Variants in BRIP1 observed in about 807,000 individuals in gnomAD.
BRIP1 encodes the protein Fanconi anemia group J protein.
BRIP1 carries 88 observed loss-of-function variants against 119.7 expected under a neutral mutation model. The observed-to-expected ratio is 0.74, with a 90% CI of 0.62 to 0.88. BRIP1 has a LOEUF of 0.88. BRIP1 is among the 40% of genes least tolerant of loss of function. BRIP1 has a pLI of 0.00. For missense variants in BRIP1, 1,259 were observed against 1,455.4 expected (o/e 0.87, Z 2.20); for synonymous variants, 443 against 496.5 (o/e 0.89, Z 1.43).
rs566562868 is a variant in BRIP1, at chr17:61,708,133, A to T, written c.2492+7818T>A. ...AAAAAACAAAAAATATGTGACAGAG[A>T]CTGTATGTAGCCTGCAAAGCCTAAA... On this transcript the variant is annotated intron_variant, in intron 17 of 19. Transcript: ENST00000259008. This position sits in a 1 kb window ranked among gnomAD's most constrained non-coding sequence, Gnocchi z 4.4. Among the ~76,000 whole-genome samples, 2 of 152,330 alleles carry T rather than the reference A, an allele frequency of 1.3e-5. No individual in the cohort carries two copies. Among genetic ancestry groups the T allele is most frequent in the East Asian group, 3.9e-4 (2 of 5,194 alleles).
rs781623180 is a variant in BRIP1 at position 61,708,868 on chromosome 17, A to T, written c.2492+7083T>A. 2.6e-5 allele frequency among the ~76,000 whole-genome samples: 4 copies of T among 152,172 alleles called. No individual in the cohort carries two copies. The highest frequency in any genetic ancestry group is 5.9e-5 in the Non-Finnish European group (4 of 68,034). On this transcript the variant is annotated intron_variant, in intron 17 of 19. Transcript: ENST00000259008. The surrounding 1 kb of genome is among the most constrained non-coding windows in gnomAD (Gnocchi z 4.4). ...AAAAGGAATTCTACACGCTTGGTAG[A>T]TGTAAGACTGATTGTCAGCCTACTC...
rs1208727896 is a variant in BRIP1 at position 61,796,231 on chromosome 17, T to C, written c.1341-2502A>G. Among the ~76,000 whole-genome samples, 1 of 152,142 alleles carries C rather than the reference T, an allele frequency of 6.6e-6. No individual in the cohort carries two copies. The highest frequency in any genetic ancestry group is 1.5e-5 in the Non-Finnish European group (1 of 67,992). On this transcript the variant is annotated intron_variant, in intron 9 of 19. Coordinates refer to ENST00000259008, the MANE Select transcript of BRIP1 (RefSeq NM_032043.3). The surrounding 1 kb of genome is among the most constrained non-coding windows in gnomAD (Gnocchi z 4.8). ...CCTCTTCACTTTGTTGATTGTTTCC[T>C]TTGCTGTGCAGCAGCTTTTTAACTT...
Position 61,848,545 on chromosome 17 carries a change from A to G in BRIP1, c.507+584T>C, listed in dbSNP as rs530763001. Among the ~76,000 whole-genome samples the G allele has an allele frequency of 2.0e-5, 3 of 152,236 alleles. No individual in the cohort carries two copies. The highest frequency in any genetic ancestry group is 7.2e-5 in the African/African-American group (3 of 41,566). ...ATCTTTTTTATTTGTAACTAAATCT[A>G]TTAAAATCCCAGCCTTCCTATCTCA... On this transcript the variant is annotated intron_variant, in intron 5 of 19. Coordinates refer to ENST00000259008, the MANE Select transcript of BRIP1 (RefSeq NM_032043.3). The surrounding 1 kb of genome is among the most constrained non-coding windows in gnomAD (Gnocchi z 4.3).
At position 61,850,005 on chromosome 17, in the gene BRIP1, A is replaced by ATAAATATTC. The variant is rs527357638; in HGVS notation, c.380-758_380-750dup. Among the ~76,000 whole-genome samples, 171 of 152,232 alleles carry ATAAATATTC rather than the reference A, an allele frequency of 1.1e-3. 2 individuals carry two copies. Among genetic ancestry groups the ATAAATATTC allele is most frequent in the Admixed American group, 6.5e-3 (99 of 15,286 alleles). On this transcript the variant is annotated intron_variant, in intron 4 of 19. Coordinates refer to ENST00000259008, the MANE Select transcript of BRIP1 (RefSeq NM_032043.3). ...CATTGGTTTCTCCCTTTTCCTAAATATAAATATTCTTAAAGGTACCCTCCT... is the reference window on the plus strand; with the variant it reads ...CATTGGTTTCTCCCTTTTCCTAAATATAAATATTCTAAATATTCTTAAAGGTACCCTCCT...
At chr17:61,792,350 A>G (rs995727791) in intron 10 of BRIP1, among the ~76,000 whole-genome samples, 1 of 152,222 alleles carries the variant, frequency 6.6e-6, no homozygotes, top group East Asian at 1.9e-4. Context: ...CCAAATGAGT[A>G]GAAAGCTTGT....
chr17:61,711,903 A>C (rs1006745657), intron 17 of BRIP1, among the ~76,000 whole-genome samples: 7 of 151,914 alleles, frequency 4.6e-5, no homozygotes, highest in African/African-American at 1.7e-4. Flanking sequence ...ACAAAAATAA[A>C]AAATAAAATG....
Position 61,856,743 on chromosome 17 carries a change from T to C in BRIP1, c.379+315A>G, listed in dbSNP as rs151243486. 3.3e-5 allele frequency among the ~76,000 whole-genome samples: 5 copies of C among 152,326 alleles called. No individual in the cohort carries two copies. Among genetic ancestry groups the C allele is most frequent in the Non-Finnish European group, 7.4e-5 (5 of 68,018 alleles). The stretch of plus-strand genomic sequence containing the variant: ...GTCTTAGGATACAAACATTGTTTTA[T>C]AGAATTCTAACATATAATTAACAAT... On this transcript the variant is annotated intron_variant, in intron 4 of 19. Transcript: ENST00000259008. This position sits in a 1 kb window ranked among gnomAD's most constrained non-coding sequence, Gnocchi z 5.1.
Position 61,825,602 on chromosome 17 carries a change from A to G in BRIP1, c.628-16845T>C, listed in dbSNP as rs1439239846. Among the ~76,000 whole-genome samples the G allele has an allele frequency of 6.6e-6, 1 of 150,760 alleles. No homozygotes were observed. Among genetic ancestry groups the G allele is most frequent in the East Asian group, 1.9e-4 (1 of 5,150 alleles). ...AAGCTGAGAGCCAAATCAGGAATGC[A>G]ATCCCATTCACAATTGCCACAAATA... On this transcript the variant is annotated intron_variant, in intron 6 of 19. Coordinates refer to ENST00000259008, the MANE Select transcript of BRIP1 (RefSeq NM_032043.3). The surrounding 1 kb of genome is among the most constrained non-coding windows in gnomAD (Gnocchi z 4.1).
At position 61,761,991 on chromosome 17, in the gene BRIP1, C is replaced by T. The variant is rs764256630; in HGVS notation, c.2097+14410G>A. On this transcript the variant is annotated intron_variant, in intron 14 of 19. Transcript: ENST00000259008. This position sits in a 1 kb window ranked among gnomAD's most constrained non-coding sequence, Gnocchi z 6.4. ...AAAGAACAAAAATGGAGGCATCACA[C>T]GACCTGATTCCAAACCACACTGCAA... Among the ~76,000 whole-genome samples, 9 of 152,048 alleles carry T rather than the reference C, an allele frequency of 5.9e-5. No individual in the cohort carries two copies. The highest frequency in any genetic ancestry group is 1.9e-4 in the East Asian group (1 of 5,176).
chr17:61,801,509 A>G (rs1296651624), intron 7 of BRIP1, 35 bp from the exon 8 acceptor site: 1 of 1,471,236 alleles, frequency 6.8e-7, no homozygotes, highest in African/African-American at 1.4e-5. Context: ...AATGTGAACC[A>G]ATATTAGCAT....
intron 9 of BRIP1, among the ~76,000 whole-genome samples, chr17:61,797,098 A>G: frequency 6.6e-6 from 1 of 152,030 alleles, no homozygotes; most frequent in Admixed American, 6.6e-5. Flanking sequence ...ATAGTTGGAT[A>G]TAAGAATGGC....
intron 17 of BRIP1, among the ~76,000 whole-genome samples, chr17:61,697,517 T>C (rs2061548012): frequency 6.6e-6 from 1 of 152,100 alleles, no homozygotes; most frequent in Non-Finnish European, 1.5e-5. Context: ...TAACATCCCC[T>C]CTTTCATTTC....
At position 61,708,491 on chromosome 17, in the gene BRIP1, TG is replaced by T. The variant is rs1371570468; in HGVS notation, c.2492+7459del. 6.6e-6 allele frequency among the ~76,000 whole-genome samples: 1 copy of T among 152,232 alleles called. No individual in the cohort carries two copies. The highest frequency in any genetic ancestry group is 2.4e-5 in the African/African-American group (1 of 41,472). ...AGTGGAGGTTGTGGAATCTATCTTCTGTGGATAAGGAGAGACTACTGTACTG... is the reference window on the plus strand; with the variant it reads ...AGTGGAGGTTGTGGAATCTATCTTCTTGGATAAGGAGAGACTACTGTACTG... On this transcript the variant is annotated intron_variant, in intron 17 of 19. Coordinates refer to ENST00000259008, the MANE Select transcript of BRIP1 (RefSeq NM_032043.3). This position sits in a 1 kb window ranked among gnomAD's most constrained non-coding sequence, Gnocchi z 4.4.
chr17:61,849,639 A>C (rs916290900), intron 4 of BRIP1, among the ~76,000 whole-genome samples: 2 of 152,238 alleles, frequency 1.3e-5, no homozygotes, highest in Non-Finnish European at 2.9e-5. Flanking sequence ...TCTTTAGAGC[A>C]AAACCATTGA....
rs2145036212 is a variant in BRIP1 at position 61,776,616 on chromosome 17, T to C, written c.1936-54A>G. On this transcript the variant is annotated intron_variant, in intron 13 of 19. Coordinates refer to ENST00000259008, the MANE Select transcript of BRIP1 (RefSeq NM_032043.3). This position sits in a 1 kb window ranked among gnomAD's most constrained non-coding sequence, Gnocchi z 5.0. ...TTATGCCTGAAAAAGGCATGGAAAT[T>C]AGTATTTATTTGGAAGTATGTACAT... 6.4e-7 allele frequency: 1 copy of C among 1,555,140 alleles called. No homozygotes were observed. Among genetic ancestry groups the C allele is most frequent in the Non-Finnish European group, 8.9e-7 (1 of 1,126,684 alleles).
rs1389979022 is a variant in BRIP1, at chr17:61,722,997, T to C, written c.2380-6934A>G. Among the ~76,000 whole-genome samples the C allele has an allele frequency of 6.6e-6, 1 of 152,242 alleles. No individual in the cohort carries two copies. Among genetic ancestry groups the C allele is most frequent in the African/African-American group, 2.4e-5 (1 of 41,536 alleles). ...AATGAACTGTATATAAAGGTTAACT[T>C]TGAAATAGTTCTTATTACATAAACA... On this transcript the variant is annotated intron_variant, in intron 16 of 19. Coordinates refer to ENST00000259008, the MANE Select transcript of BRIP1 (RefSeq NM_032043.3). The surrounding 1 kb of genome is among the most constrained non-coding windows in gnomAD (Gnocchi z 4.6).
rs2061301396 is a variant in BRIP1, at chr17:61,683,470, A to G, written c.3576T>C (p.Asp1192=). The change falls in exon 20 of 20, where the codon GAT becomes GAC. Residue 1192 remains aspartate, a synonymous_variant. Transcript: ENST00000259008. The surrounding 1 kb of genome is among the most constrained non-coding windows in gnomAD (Gnocchi z 4.7). The part of the protein sequence containing the change: ...AREVKAEDCI[D]TKLNGILHIE... ...TATGCAGAATTCCATTCAACTTTGT[A>G]TCTATGCAATCCTCAGCTTTCACTT... 3 of 1,613,434 alleles carry G rather than the reference A, an allele frequency of 1.9e-6. No individual in the cohort carries two copies. The highest frequency in any genetic ancestry group is 1.7e-6 in the Non-Finnish European group (2 of 1,179,620).
chr17:61,835,513 C>T (rs1378663600), intron 6 of BRIP1, among the ~76,000 whole-genome samples: 1 of 151,850 alleles, frequency 6.6e-6, no homozygotes, highest in African/African-American at 2.4e-5. Flanking sequence ...AAACCGAAAA[C>T]TCAAGAGAAA....
Position 61,735,560 on chromosome 17 carries a change from G to C in BRIP1, c.2379+7453C>G, listed in dbSNP as rs912860160. On this transcript the variant is annotated intron_variant, in intron 16 of 19. Transcript: ENST00000259008. The surrounding 1 kb of genome is among the most constrained non-coding windows in gnomAD (Gnocchi z 4.4). ...TCCCAGCACTTTGGGAGGCTGACGC[G>C]GGTGGATTACTTGAGCTCAGGAGTT... Among the ~76,000 whole-genome samples, 5 of 151,054 alleles carry C rather than the reference G, an allele frequency of 3.3e-5. No individual in the cohort carries two copies. The highest frequency in any genetic ancestry group is 4.9e-5 in the African/African-American group (2 of 41,050).
Sources: allele counts gnomAD v4.1 joint callset (sites outside exome capture counted in the v4.1 genomes callset), GRCh38; gene constraint gnomAD v4.1.1; non-coding constraint Gnocchi (gnomAD v3.1); transcripts MANE v1.5; gene names NCBI Gene and HGNC (gene_info 2026-07-23, HGNC 2026-07-21).